VPS13B: variants seen among roughly 807,000 people sequenced by gnomAD.
VPS13B encodes the protein vacuolar protein sorting 13 homolog B.
Under a neutral mutation model 426.4 loss-of-function variants are expected in VPS13B, and 285 were observed. That is an observed-to-expected ratio of 0.67 (90% CI 0.61 to 0.74). The LOEUF (loss-of-function observed/expected upper bound fraction) is 0.74, where lower values mean the gene tolerates loss of function less well. Ranked by LOEUF, VPS13B falls within the 30% of genes least tolerant of loss-of-function variation. VPS13B has a pLI of 0.00. For synonymous variants in VPS13B, 1,676 were observed against 1,676.4 expected (o/e 1.00, Z 0.01); for missense variants, 4,537 against 4,782.6 (o/e 0.95, Z 1.51).
intron 33 of VPS13B, among the ~76,000 whole-genome samples, chr8:99,585,355 G>A (rs1027856987): frequency 3.3e-5 from 5 of 152,180 alleles, no homozygotes; most frequent in Non-Finnish European, 7.4e-5. Flanking sequence ...TTTGGCAAAG[G>A]ATTTGAAGTG....
chr8:99,274,710 G>T (rs1051948596), intron 18 of VPS13B, among the ~76,000 whole-genome samples: 1 of 151,746 alleles, frequency 6.6e-6, no homozygotes, highest in Non-Finnish European at 1.5e-5. Flanking sequence ...GGTTGTAAAT[G>T]ACTTTACCTT....
chr8:99,218,363 A>G (rs1815501583), intron 17 of VPS13B, among the ~76,000 whole-genome samples: 2 of 152,206 alleles, frequency 1.3e-5, no homozygotes, highest in African/African-American at 4.8e-5. Flanking sequence ...TTTTCTGATC[A>G]CTACCCTGGT....
chr8:99,256,264 A>G (rs1025754120), intron 17 of VPS13B, among the ~76,000 whole-genome samples: 1 of 152,080 alleles, frequency 6.6e-6, no homozygotes, highest in Non-Finnish European at 1.5e-5. Context: ...CTAATATTCT[A>G]TTGTATGTAT....
intron 17 of VPS13B, among the ~76,000 whole-genome samples, chr8:99,212,369 G>A (rs1395524062): frequency 6.6e-6 from 1 of 152,220 alleles, no homozygotes; most frequent in Non-Finnish European, 1.5e-5. Flanking sequence ...GTCACAGGGT[G>A]TTGCTGGGCA....
At chr8:99,748,533 T>A (rs1810210288) in intron 39 of VPS13B, among the ~76,000 whole-genome samples, 1 of 152,078 alleles carries the variant, frequency 6.6e-6, no homozygotes, top group South Asian at 2.1e-4. Flanking sequence ...ATCAGGTATG[T>A]ATAAGGTTAA....
At chr8:99,519,472 A>G (rs531103515) in intron 29 of VPS13B, among the ~76,000 whole-genome samples, 29 of 152,304 alleles carry the variant, frequency 1.9e-4, no homozygotes, top group African/African-American at 5.5e-4. Context: ...AAAGGATTAT[A>G]AATTATGCTG....
chr8:99,129,590 AG>A (rs1471184378), intron 8 of VPS13B, among the ~76,000 whole-genome samples: 195 of 150,164 alleles, frequency 1.3e-3, no homozygotes, highest in African/African-American at 4.4e-3. Flanking sequence ...AAAAAAAAAA[AG>A]TCTGACATTT....
intron 17 of VPS13B, among the ~76,000 whole-genome samples, chr8:99,212,243 G>T (rs540000126): frequency 6.6e-6 from 1 of 152,180 alleles, no homozygotes; most frequent in African/African-American, 2.4e-5. Flanking sequence ...GGCACGGGCT[G>T]TGACTGGCTT....
intron 30 of VPS13B, among the ~76,000 whole-genome samples, chr8:99,539,180 A>T (rs977623220): frequency 2.0e-5 from 3 of 152,218 alleles, no homozygotes; most frequent in Non-Finnish European, 4.4e-5. Context: ...AGAAAATTTT[A>T]AAAATAACTG....
intron 52 of VPS13B, among the ~76,000 whole-genome samples, 164 bp downstream of exon 52, chr8:99,832,816 T>G (rs1397041508): frequency 2.6e-5 from 4 of 152,188 alleles, no homozygotes; most frequent in African/African-American, 9.7e-5. Context: ...AGTGTTATAA[T>G]CACATATGGC....
At position 99,861,772 on chromosome 8, in the gene VPS13B, T is replaced by A; in HGVS notation, c.11045-4T>A. On this transcript the variant is annotated splice_region_variant and splice_polypyrimidine_tract_variant and intron_variant, in intron 57 of 61. Coordinates refer to ENST00000357162, the MANE Select transcript of VPS13B (RefSeq NM_152564.5). ...AGGCTAACCCCATGCTCTTGTTCCCTCAGGTACCCTCACATCCATCACCAA... is the reference window on the plus strand; with the variant it reads ...AGGCTAACCCCATGCTCTTGTTCCCACAGGTACCCTCACATCCATCACCAA... 1 of 1,591,642 alleles carries A rather than the reference T, an allele frequency of 6.3e-7. No individual in the cohort carries two copies. Among genetic ancestry groups the A allele is most frequent in the Non-Finnish European group, 8.6e-7 (1 of 1,168,860 alleles).
intron 30 of VPS13B, among the ~76,000 whole-genome samples, chr8:99,537,989 A>G (rs1823350073): frequency 6.6e-6 from 1 of 152,190 alleles, no homozygotes; most frequent in Non-Finnish European, 1.5e-5. Context: ...TGTGATTCTC[A>G]TGAAAGAGAT....
intron 19 of VPS13B, among the ~76,000 whole-genome samples, chr8:99,368,744 A>G (rs1052451654): frequency 3.3e-5 from 5 of 152,052 alleles, no homozygotes; most frequent in Admixed American, 3.3e-4. Context: ...TGCTCCATTC[A>G]TTTTTATTTT....
At chr8:99,823,246 G>A (rs568731363) in intron 50 of VPS13B, among the ~76,000 whole-genome samples, 11 of 152,128 alleles carry the variant, frequency 7.2e-5, no homozygotes, top group Middle Eastern at 6.3e-3. Context: ...GTAAAATGGG[G>A]TTAATAATAG....
At chr8:99,844,139 T>C (rs1204165323) in intron 54 of VPS13B, among the ~76,000 whole-genome samples, 1 of 152,200 alleles carries the variant, frequency 6.6e-6, no homozygotes, top group Non-Finnish European at 1.5e-5. Context: ...TAGACCTTGC[T>C]ATTTGAGGCT....
chr8:99,644,826 G>A (rs1316737202), intron 34 of VPS13B, among the ~76,000 whole-genome samples: 1 of 152,066 alleles, frequency 6.6e-6, no homozygotes, highest in African/African-American at 2.4e-5. Context: ...AAATACAATG[G>A]CTAAAAATAA....
intron 35 of VPS13B, among the ~76,000 whole-genome samples, chr8:99,692,746 G>T (rs1174932136): frequency 6.8e-6 from 1 of 147,500 alleles, no homozygotes; most frequent in African/African-American, 2.6e-5. Flanking sequence ...AAAAATCAAT[G>T]AATCCAGGAG....
chr8:99,191,333 C>T (rs1470635994), intron 16 of VPS13B, among the ~76,000 whole-genome samples: 1 of 149,334 alleles, frequency 6.7e-6, no homozygotes, highest in African/African-American at 2.5e-5. Flanking sequence ...TAGTGTCCCA[C>T]GTCCCATTAA....
At chr8:99,487,986 C>T (rs1820399752) in intron 25 of VPS13B, among the ~76,000 whole-genome samples, 1 of 152,040 alleles carries the variant, frequency 6.6e-6, no homozygotes, top group Admixed American at 6.6e-5. Context: ...ATATGACTTG[C>T]ACCTGAAAAA....
Sources: allele counts gnomAD v4.1 joint callset (sites outside exome capture counted in the v4.1 genomes callset), GRCh38; gene constraint gnomAD v4.1.1; transcripts MANE v1.5; gene names NCBI Gene and HGNC (gene_info 2026-07-23, HGNC 2026-07-21).